KCNIP1: variants seen among roughly 807,000 people sequenced by gnomAD.
KCNIP1 encodes the protein potassium voltage-gated channel interacting protein 1.
Under a neutral mutation model 33.0 loss-of-function variants are expected in KCNIP1, and 18 were observed. That is an observed-to-expected ratio of 0.55 (90% CI 0.38 to 0.81). KCNIP1 has a LOEUF of 0.81. Among genes scored for constraint, KCNIP1 ranks in the 30% least tolerant of loss-of-function variants. KCNIP1 has a pLI of 0.00. For missense variants in KCNIP1, 238 were observed against 271.6 expected (o/e 0.88, Z 0.87); for synonymous variants, 93 against 98.3 (o/e 0.95, Z 0.32).
At chr5:170,353,557 C>T in exon 1 of KCNIP1, 1 of 444,848 alleles carries the variant, frequency 2.2e-6, no homozygotes, top group Non-Finnish European at 4.1e-6. Flanking sequence ...CTTCACTCTC[C>T]TCCTCGGTTC....
At chr5:170,390,498 G>A (rs542207617) in intron 1 of KCNIP1, among the ~76,000 whole-genome samples, 19 of 59,066 alleles carry the variant, frequency 3.2e-4, no homozygotes, top group South Asian at 2.1e-3. Flanking sequence ...GCGAGACCCC[G>A]TCTCAAAAAA....
Position 170,394,395 on chromosome 5 carries a change from T to C in KCNIP1, c.88+40431T>C, listed in dbSNP as rs1012283672. On this transcript the variant is annotated intron_variant, in intron 1 of 7. Transcript: ENST00000377360. ...TAAAATCAGGGACTGGAACCGTTCT[T>C]ATTCACTGCCGCATCTCTAGCGCCA... Among the ~76,000 whole-genome samples, 7 of 152,344 alleles carry C rather than the reference T, an allele frequency of 4.6e-5. No individual in the cohort carries two copies. In the South Asian group the frequency reaches 1.4e-3, roughly 32 times the overall value.
At chr5:170,595,452 G>C (rs986679681) in intron 1 of KCNIP1, among the ~76,000 whole-genome samples, 1 of 152,230 alleles carries the variant, frequency 6.6e-6, no homozygotes, top group Non-Finnish European at 1.5e-5. Flanking sequence ...CATGCTGAGC[G>C]CTTTGCTTGG....
intron 1 of KCNIP1, among the ~76,000 whole-genome samples, chr5:170,603,782 A>G (rs927134915): frequency 2.6e-5 from 4 of 152,198 alleles, no homozygotes; most frequent in Non-Finnish European, 1.5e-5. Flanking sequence ...CTGAGGACAC[A>G]TGGAGCCCAG....
rs143891297 is a variant in KCNIP1 at position 170,658,207 on chromosome 5, TA to T, written c.62-60550del. Among the ~76,000 whole-genome samples, 1,257 of 152,328 alleles carry T rather than the reference TA, an allele frequency of 8.3e-3. 11 individuals are homozygous for T. The highest frequency in any genetic ancestry group is 0.029 in the African/African-American group (1,195 of 41,568). On this transcript the variant is annotated intron_variant, in intron 1 of 7. Transcript: ENST00000328939. The stretch of plus-strand genomic sequence containing the variant: ...CTTAGAACACTGAAACTAGGCAATT[TA>T]TAAAGAAAAGGAATTTATTTCTTAT...
At chr5:170,492,894 T>A (rs566924669) in intron 1 of KCNIP1, among the ~76,000 whole-genome samples, 1 of 152,128 alleles carries the variant, frequency 6.6e-6, no homozygotes, top group South Asian at 2.1e-4. Context: ...GGACTACAGG[T>A]GCCCACCACC....
chr5:170,724,181 T>G (rs1445937479), intron 5 of KCNIP1, among the ~76,000 whole-genome samples: 1 of 152,176 alleles, frequency 6.6e-6, no homozygotes, highest in African/African-American at 2.4e-5. Context: ...AATAAAATTA[T>G]AGGCCCAGAT....
chr5:170,537,755 C>A (rs888899185), intron 1 of KCNIP1, among the ~76,000 whole-genome samples: 1 of 152,200 alleles, frequency 6.6e-6, no homozygotes, highest in African/African-American at 2.4e-5. Flanking sequence ...GATGGTTTTC[C>A]TCATTCATCA....
chr5:170,589,783 A>C (rs202082708), intron 1 of KCNIP1, among the ~76,000 whole-genome samples: 19 of 52,760 alleles, frequency 3.6e-4, no homozygotes, highest in African/African-American at 7.2e-4. Flanking sequence ...GTGTGGTGTG[A>C]TGTGATGTGG....
chr5:170,513,433 CTTTCTT>C (rs1348634150), intron 1 of KCNIP1, among the ~76,000 whole-genome samples: 1 of 152,204 alleles, frequency 6.6e-6, no homozygotes, highest in Non-Finnish European at 1.5e-5. Context: ...CTTTCTCTCT[CTTTCTT>C]TTTAACAACA....
At chr5:170,419,635 A>T (rs1012872197) in intron 1 of KCNIP1, among the ~76,000 whole-genome samples, 11 of 152,224 alleles carry the variant, frequency 7.2e-5, no homozygotes, top group Non-Finnish European at 1.3e-4. Flanking sequence ...TGCACTTACG[A>T]TGTACCAAGT....
intron 1 of KCNIP1, among the ~76,000 whole-genome samples, chr5:170,667,456 C>A (rs1761750599): frequency 6.6e-6 from 1 of 152,220 alleles, no homozygotes; most frequent in Non-Finnish European, 1.5e-5. Flanking sequence ...AAGCAAACTG[C>A]CTTCTCCATG....
At chr5:170,353,777 G>A in exon 1 of KCNIP1, 1 of 1,041,064 alleles carries the variant, frequency 9.6e-7, no homozygotes, top group Non-Finnish European at 1.5e-6. Context: ...CCGTCACTCA[G>A]GGTTCATTCA....
At position 170,709,632 on chromosome 5, in the gene KCNIP1, A is replaced by T. The variant is rs1180678120; in HGVS notation, c.62-9126A>T. Among the ~76,000 whole-genome samples, 6 of 152,024 alleles carry T rather than the reference A, an allele frequency of 3.9e-5. No individual in the cohort carries two copies. The East Asian group carries it at 1.2e-3, about 29-fold the overall frequency. Reference sequence around the variant, plus strand: ...TTAATTTTTCAGTGGTTTTACTCTGATGTTCTTATAAGTGGTTTTCTTTGT... The same window carrying T: ...TTAATTTTTCAGTGGTTTTACTCTGTTGTTCTTATAAGTGGTTTTCTTTGT... On this transcript the variant is annotated intron_variant, in intron 1 of 7. Transcript: ENST00000328939.
chr5:170,577,011 A>G (rs1459908357), intron 1 of KCNIP1, among the ~76,000 whole-genome samples: 2 of 152,132 alleles, frequency 1.3e-5, no homozygotes, highest in Non-Finnish European at 2.9e-5. Context: ...GGGTGGGGGA[A>G]ATCTGGACCT....
chr5:170,628,138 C>T (rs1759909678), intron 1 of KCNIP1, among the ~76,000 whole-genome samples: 1 of 152,158 alleles, frequency 6.6e-6, no homozygotes, highest in Non-Finnish European at 1.5e-5. Flanking sequence ...CCAAAGAGGT[C>T]TTCAGGGTAG....
chr5:170,716,457 C>G lies in KCNIP1; in HGVS notation c.62-2301C>G, dbSNP rs376330121. 3.2e-4 allele frequency among the ~76,000 whole-genome samples: 48 copies of G among 152,298 alleles called. No homozygotes were observed. In the South Asian group the frequency reaches 8.9e-3, roughly 28 times the overall value. ...TAACATCCACAGGCAGGCTACTTCCCAGCATCTTGAGCCCCAAAGAAGTAA... is the reference window on the plus strand; with the variant it reads ...TAACATCCACAGGCAGGCTACTTCCGAGCATCTTGAGCCCCAAAGAAGTAA... On this transcript the variant is annotated intron_variant, in intron 1 of 7. Transcript: ENST00000328939.
At chr5:170,606,874 C>G (rs1431190338) in intron 1 of KCNIP1, among the ~76,000 whole-genome samples, 2 of 152,204 alleles carry the variant, frequency 1.3e-5, no homozygotes, top group Non-Finnish European at 2.9e-5. Context: ...TCCACCGAAG[C>G]ACTACTTTGT....
chr5:170,572,203 C>T lies in KCNIP1; in HGVS notation c.61+67570C>T, dbSNP rs560663940. 1.2e-4 allele frequency among the ~76,000 whole-genome samples: 19 copies of T among 152,292 alleles called. No homozygotes were observed. In the South Asian group the frequency reaches 3.3e-3, roughly 27 times the overall value. On this transcript the variant is annotated intron_variant, in intron 1 of 7. Transcript: ENST00000328939. ...AGAGGAGCTGGAAATCGACTGTATG[C>T]GTAATGTCCCAATTTTTAAGAGCTG...
Sources: allele counts gnomAD v4.1 joint callset (sites outside exome capture counted in the v4.1 genomes callset), GRCh38; gene constraint gnomAD v4.1.1; transcripts MANE v1.5; gene names NCBI Gene and HGNC (gene_info 2026-07-23, HGNC 2026-07-21).